Variants in KIF14 observed in about 807,000 individuals in gnomAD.
KIF14 encodes the protein kinesin family member 14.
A neutral mutation model predicts 176.2 loss-of-function variants in KIF14; 98 were observed. That is an observed-to-expected ratio of 0.56 (90% CI 0.47 to 0.66). The LOEUF is 0.66. Ranked by LOEUF, KIF14 falls within the 30% of genes least tolerant of loss-of-function variation. KIF14 has a pLI of 0.00. For synonymous variants in KIF14, 566 were observed against 632.2 expected (o/e 0.90, Z 1.57); for missense variants, 1,751 against 1,920.4 (o/e 0.91, Z 1.65).
At chr1:200,559,864 C>G (rs1657035774) in intron 26 of KIF14, among the ~76,000 whole-genome samples, 1 of 151,856 alleles carries the variant, frequency 6.6e-6, no homozygotes, top group South Asian at 2.1e-4. Flanking sequence ...AAGTTATTCT[C>G]CTATCTCAGC....
intron 28 of KIF14, among the ~76,000 whole-genome samples, chr1:200,554,876 A>G (rs1029546373): frequency 3.3e-5 from 5 of 152,188 alleles, no homozygotes; most frequent in African/African-American, 9.6e-5. Context: ...TTATTATTCA[A>G]TACTTTAAAA....
At chr1:200,589,414 C>CA (rs757340213) in intron 17 of KIF14, 45 bp from the exon 18 acceptor site, 21 of 1,471,160 alleles carry the variant, frequency 1.4e-5, no homozygotes, top group Non-Finnish European at 1.8e-5. Flanking sequence ...AAAACCGTAG[C>CA]AAAAAAGTAC....
chr1:200,558,827 T>G (rs1382759538), intron 27 of KIF14, among the ~76,000 whole-genome samples: 2 of 152,336 alleles, frequency 1.3e-5, no homozygotes, highest in East Asian at 3.9e-4. Flanking sequence ...CCTAAGGTAC[T>G]AAGTAATGTT....
intron 4 of KIF14, among the ~76,000 whole-genome samples, chr1:200,611,498 C>T (rs1660152938): frequency 6.6e-6 from 1 of 152,130 alleles, no homozygotes; most frequent in Admixed American, 6.5e-5. Flanking sequence ...ATGCTATGAA[C>T]AGGGATGGGG....
At chr1:200,579,849 C>T (rs564916628) in intron 21 of KIF14, among the ~76,000 whole-genome samples, 13 of 151,918 alleles carry the variant, frequency 8.6e-5, no homozygotes, top group African/African-American at 1.7e-4. Context: ...AGCACAGCAA[C>T]GGAGAAATGT....
At chr1:200,570,749 T>C (rs754904784) in intron 22 of KIF14, among the ~76,000 whole-genome samples, 3 of 152,196 alleles carry the variant, frequency 2.0e-5, no homozygotes, top group Non-Finnish European at 2.9e-5. Flanking sequence ...TTTATTTATT[T>C]TCTTTCAACT....
At chr1:200,571,915 A>C (rs190734908) in intron 22 of KIF14, among the ~76,000 whole-genome samples, 1 of 152,348 alleles carries the variant, frequency 6.6e-6, no homozygotes, top group Admixed American at 6.5e-5. Context: ...TTAACCTCAG[A>C]GGGAAATTTA....
rs558871212 is a variant in KIF14, at chr1:200,599,083, C to T, written c.2365-662G>A. 8.4e-4 allele frequency among the ~76,000 whole-genome samples: 128 copies of T among 152,308 alleles called. 1 individual carries two copies. The South Asian group carries it at 0.025, about 30-fold the overall frequency. ...TCAACTCACACCAAAACTACTGAAG[C>T]AGCCTCTTGATCACCGTCAACAGCT... On this transcript the variant is annotated intron_variant, in intron 13 of 29. Coordinates refer to ENST00000367350, the MANE Select transcript of KIF14 (RefSeq NM_014875.3).
At chr1:200,559,270 G>C in intron 27 of KIF14, 60 bp downstream of exon 27, 1 of 1,118,720 alleles carries the variant, frequency 8.9e-7, no homozygotes, top group Non-Finnish European at 1.2e-6. Context: ...TTTGTTGACT[G>C]AAAAAATCAA....
chr1:200,566,748 A>G (rs1657479270), intron 23 of KIF14, among the ~76,000 whole-genome samples: 1 of 152,106 alleles, frequency 6.6e-6, no homozygotes, highest in Non-Finnish European at 1.5e-5. Flanking sequence ...GACAACAAGC[A>G]TGTACCACTA....
intron 16 of KIF14, 58 bp from the exon 17 acceptor site, chr1:200,590,330 T>C: frequency 7.0e-7 from 1 of 1,429,844 alleles, no homozygotes; most frequent in Non-Finnish European, 9.5e-7. Context: ...TACATCATAA[T>C]AGTTCTTAAT....
intron 21 of KIF14, among the ~76,000 whole-genome samples, chr1:200,578,973 C>T (rs921152187): frequency 6.6e-6 from 1 of 152,104 alleles, no homozygotes; most frequent in African/African-American, 2.4e-5. Flanking sequence ...CACCTGTAGT[C>T]CCAGCTACTC....
Position 200,618,552 on chromosome 1 carries a change from C to G in KIF14, c.172G>C (p.Gly58Arg), listed in dbSNP as rs138352315. 1,026 of 1,614,134 alleles carry G rather than the reference C, an allele frequency of 6.4e-4. No individual in the cohort carries two copies. The highest frequency in any genetic ancestry group is 7.9e-4 in the Non-Finnish European group (932 of 1,180,020). Residue 58 changes from glycine to arginine, a missense_variant, in exon 2 of 30, where the codon GGT (glycine) becomes CGT (arginine). Physicochemically the swap from Gly to Arg is moderately radical, Grantham distance 125. Coordinates refer to ENST00000367350, the MANE Select transcript of KIF14 (RefSeq NM_014875.3). ...ENDDPLLRSAGKVRDINRTYV... is the reference protein window; with the variant it reads ...ENDDPLLRSARKVRDINRTYV... ...GTTCTATTTATGTCTCTGACTTTAC[C>G]TGCAGATCTCAATAATGGATCATCA...
At position 200,606,812 on chromosome 1, in the gene KIF14, A is replaced by G. The variant is rs773568019; in HGVS notation, c.1555-14T>C. On this transcript the variant is annotated splice_polypyrimidine_tract_variant and intron_variant, in intron 5 of 29. Coordinates refer to ENST00000367350, the MANE Select transcript of KIF14 (RefSeq NM_014875.3). The stretch of plus-strand genomic sequence containing the variant: ...CCTCACTCTCAGCTAGAAGAAGCAA[A>G]TACATGCATCATTAGGAGTATGACA... 1.9e-6 allele frequency: 3 copies of G among 1,599,084 alleles called. No individual in the cohort carries two copies. The highest frequency in any genetic ancestry group is 2.6e-6 in the Non-Finnish European group (3 of 1,166,846).
At chr1:200,571,584 T>C (rs749588441) in intron 22 of KIF14, among the ~76,000 whole-genome samples, 10 of 152,192 alleles carry the variant, frequency 6.6e-5, no homozygotes, top group Non-Finnish European at 1.2e-4. Flanking sequence ...AACTCTCTAT[T>C]ACAGTTGGCC....
chr1:200,589,228 C>G lies in KIF14; in HGVS notation c.3103G>C (p.Ala1035Pro). 6.2e-7 allele frequency: 1 copy of G among 1,603,378 alleles called. No individual in the cohort carries two copies. Among genetic ancestry groups the G allele is most frequent in the Non-Finnish European group, 8.5e-7 (1 of 1,175,162 alleles). The change falls in exon 18 of 30, where the codon GCT (alanine) becomes CCT (proline). Residue 1035 changes from alanine to proline, a missense_variant. By Grantham distance (27) the Ala-to-Pro change is conservative. Transcript: ENST00000367350. ...CACAATAAAATTACCTGTTTTGTAG[C>G]CAATGTTTCCATTTCTAATCGCTTT... ...NKKRLEMETL[A>P]TKQALEDHSI...
chr1:200,590,010 C>T (rs1372500333), intron 17 of KIF14, 115 bp downstream of exon 17: 2 of 1,070,866 alleles, frequency 1.9e-6, no homozygotes, highest in Non-Finnish European at 2.7e-6. Context: ...GGCTTTGATT[C>T]ACTAATCTCT....
chr1:200,552,560 C>T lies in KIF14; in HGVS notation c.*828G>A, dbSNP rs1306882504. On this transcript the variant is annotated 3_prime_UTR_variant, in exon 30 of 30. Coordinates refer to ENST00000367350, the MANE Select transcript of KIF14 (RefSeq NM_014875.3). ...TATGAAACACAGATAACAGGGTAAACTACTGTGCCAGCAAGCCATATTATT... is the reference window on the plus strand; with the variant it reads ...TATGAAACACAGATAACAGGGTAAATTACTGTGCCAGCAAGCCATATTATT... 1 of 151,982 alleles carries T rather than the reference C, an allele frequency of 6.6e-6. No homozygotes were observed. The highest frequency in any genetic ancestry group is 1.5e-5 in the Non-Finnish European group (1 of 67,996). 9.4% of individuals were successfully genotyped at this position (151,982 alleles called of 1,614,324 possible). A position where few individuals can be genotyped will look rare whatever the true frequency, so the allele number is the denominator to read the frequency against.
At position 200,608,948 on chromosome 1, in the gene KIF14, A is replaced by G. The variant is rs1324974862; in HGVS notation, c.1456-20T>C. 1 of 1,386,410 alleles carries G rather than the reference A, an allele frequency of 7.2e-7. No individual in the cohort carries two copies. Among genetic ancestry groups the G allele is most frequent in the Non-Finnish European group, 1.0e-6 (1 of 981,116 alleles). 85.9% of individuals were successfully genotyped at this position (1,386,410 alleles called of 1,614,324 possible). A position where few individuals can be genotyped will look rare whatever the true frequency, so the allele number is the denominator to read the frequency against. On this transcript the variant is annotated intron_variant, in intron 4 of 29. Transcript: ENST00000367350. ...GCTGACCTAGTAGGAATAGAAACAC[A>G]GCATATAATTTATTTTGATGTTTTG...
Sources: gnomAD v4.1 joint callset for allele counts (sites outside exome capture counted in the v4.1 genomes callset) on GRCh38, gnomAD v4.1.1 for gene constraint, MANE v1.5 for transcripts, NCBI Gene and HGNC (gene_info 2026-07-23, HGNC 2026-07-21) for gene names.